Variants in RUVBL1 observed in about 807,000 individuals in gnomAD.
The protein encoded by RUVBL1 is ruvB-like 1.
A neutral mutation model predicts 52.4 loss-of-function variants in RUVBL1; 4 were observed. That is an observed-to-expected ratio of 0.08 (90% CI 0.04 to 0.17). The LOEUF (loss-of-function observed/expected upper bound fraction) is 0.17, where lower values mean the gene tolerates loss of function less well. Among genes scored for constraint, RUVBL1 ranks in the 10% least tolerant of loss-of-function variants. The pLI is 1.00. For synonymous variants in RUVBL1, 217 were observed against 214.4 expected, an observed-to-expected ratio of 1.01 and a Z score of -0.10; for missense variants, 298 against 572.8, an observed-to-expected ratio of 0.52 and a Z score of 4.90.
Position 128,081,789 on chromosome 3 carries a change from A to G in RUVBL1, c.1212-380T>C, listed in dbSNP as rs1027080650. On this transcript the variant is annotated intron_variant, in intron 10 of 10. Transcript: ENST00000322623. The surrounding 1 kb of genome is among the most constrained non-coding windows in gnomAD (Gnocchi z 4.8). The stretch of plus-strand genomic sequence containing the variant: ...AATGAAAACATAGCCAGCTGGAAGT[A>G]CATGCCCATCCAAAGGCATGAAGAC... The G allele has an allele frequency of 1.6e-5, 3 of 184,346 alleles. No homozygotes were observed. The highest frequency in any genetic ancestry group is 7.0e-5 in the African/African-American group (3 of 42,638). The allele number at this position is 184,346 out of a possible 1,614,324, so 11.4% of individuals were successfully genotyped here.
Position 128,082,673 on chromosome 3 carries a change from A to T in RUVBL1, c.1120-99T>A, listed in dbSNP as rs1942515133. 1 of 980,896 alleles carries T rather than the reference A, an allele frequency of 1.0e-6. No homozygotes were observed. Among genetic ancestry groups the T allele is most frequent in the African/African-American group, 1.6e-5 (1 of 61,088 alleles). The allele number at this position is 980,896 out of a possible 1,614,324, so 60.8% of individuals were successfully genotyped here. ...ATGTTGCTCAGATTTCTCACTGTGC[A>T]GCATAAGAGAAACTGAGACCTGGGT... On this transcript the variant is annotated intron_variant, in intron 9 of 10. Coordinates refer to ENST00000322623, the MANE Select transcript of RUVBL1 (RefSeq NM_003707.3). The surrounding 1 kb of genome is among the most constrained non-coding windows in gnomAD (Gnocchi z 4.7).
At position 128,123,750 on chromosome 3, in the gene RUVBL1, A is replaced by T. The variant is rs201967023; in HGVS notation, c.-26T>A. On this transcript the variant is annotated 5_prime_UTR_variant, in exon 1 of 11. Transcript: ENST00000322623. ...TTTGCAGACGCCGGGAGCTAAAACC[A>T]GCGTGGAAAACCAGCAGCTAGGACA... The T allele has an allele frequency of 3.2e-6, 5 of 1,585,234 alleles. No homozygotes were observed. In the East Asian group the frequency reaches 1.1e-4, roughly 36 times the overall value.
At chr3:128,089,564 C>T (rs1231995393) in intron 8 of RUVBL1, among the ~76,000 whole-genome samples, 1 of 152,156 alleles carries the variant, frequency 6.6e-6, no homozygotes, top group Non-Finnish European at 1.5e-5. Flanking sequence ...ATAAAATCTA[C>T]CTGTTTAAAT....
At chr3:128,150,769 TATTA>T (rs1280187486) in intron 1 of RUVBL1, among the ~76,000 whole-genome samples, 1 of 111,616 alleles carries the variant, frequency 9.0e-6, no homozygotes, top group Non-Finnish European at 1.6e-5. Context: ...ATATTCTATA[TATTA>T]TATATTCTAT....
intron 1 of RUVBL1, among the ~76,000 whole-genome samples, chr3:128,152,994 C>CCCCCCCG (rs1944271019): frequency 3.3e-5 from 1 of 30,016 alleles, no homozygotes; most frequent in Non-Finnish European, 5.9e-5. Context: ...GCCCACCCCG[C>CCCCCCCG]CCCCCCCGCC....
intron 1 of RUVBL1, among the ~76,000 whole-genome samples, chr3:128,152,760 A>G (rs571231604): frequency 1.3e-5 from 2 of 152,288 alleles, no homozygotes; most frequent in Non-Finnish European, 1.5e-5. Flanking sequence ...AAGATGGCAC[A>G]GTCCCAAAGA....
At chr3:128,126,482 G>T (rs529266363), upstream of RUVBL1, among the ~76,000 whole-genome samples, 2 of 151,970 alleles carry the variant, frequency 1.3e-5, no homozygotes, top group East Asian at 3.9e-4. Context: ...GGAGGTGGAG[G>T]TTGCAGTGAG....
chr3:128,141,484 T>TTTTTC lies in RUVBL1; in HGVS notation c.-40+11714_-40+11718dup, dbSNP rs112847567. On this transcript the variant is annotated intron_variant, in intron 1 of 9. Transcript: ENST00000464873. ...CCTTGGAGTATGAAGACATGGACTT[T>TTTTTC]TTTTCTTTTCTTTTCTTTTCTTTTC... 7.8e-3 allele frequency among the ~76,000 whole-genome samples: 1,172 copies of TTTTTC among 150,900 alleles called. 5 individuals are homozygous for TTTTTC. The highest frequency in any genetic ancestry group is 9.6e-3 in the South Asian group (46 of 4,772).
intron 1 of RUVBL1, among the ~76,000 whole-genome samples, chr3:128,130,628 TGTA>T (rs1943863466): frequency 1.2e-4 from 1 of 8,674 alleles, no homozygotes; most frequent in African/African-American, 3.1e-4. Context: ...TATTTATTTA[TGTA>T]TTTATTTATT....
At chr3:128,078,261 G>A (rs1175279257), downstream of RUVBL1, among the ~76,000 whole-genome samples, 1 of 152,190 alleles carries the variant, frequency 6.6e-6, no homozygotes, top group Non-Finnish European at 1.5e-5. Flanking sequence ...GTCACTCTCT[G>A]GTGTGACAGC....
At chr3:128,107,890 C>T (rs1027807924) in intron 3 of RUVBL1, among the ~76,000 whole-genome samples, 1 of 152,204 alleles carries the variant, frequency 6.6e-6, no homozygotes, top group Non-Finnish European at 1.5e-5. Flanking sequence ...CTTATATTTA[C>T]TGCTAGATGA....
At chr3:128,079,557 G>C (rs985509553), downstream of RUVBL1, among the ~76,000 whole-genome samples, 27 of 152,172 alleles carry the variant, frequency 1.8e-4, no homozygotes, top group Non-Finnish European at 8.8e-5. Context: ...TGGCTCGAGT[G>C]GGGAGGCTAA....
intron 4 of RUVBL1, among the ~76,000 whole-genome samples, chr3:128,102,581 G>A (rs868785192): frequency 6.6e-6 from 1 of 152,228 alleles, no homozygotes; most frequent in African/African-American, 2.4e-5. Context: ...GGTGAAAGAA[G>A]CCAGATACAA....
At chr3:128,109,863 TG>T (rs1943338409) in intron 3 of RUVBL1, among the ~76,000 whole-genome samples, 1 of 125,804 alleles carries the variant, frequency 7.9e-6, no homozygotes, top group African/African-American at 3.1e-5. Flanking sequence ...TTACCCAGGC[TG>T]AAGTGCAATG....
At chr3:128,117,616 G>GTTTT (rs772377287) in intron 2 of RUVBL1, among the ~76,000 whole-genome samples, 1 of 140,718 alleles carries the variant, frequency 7.1e-6, no homozygotes, top group South Asian at 2.3e-4. Context: ...CAGTTTTTTT[G>GTTTT]TTTTTTTTTT....
At position 128,148,080 on chromosome 3, in the gene RUVBL1, T is replaced by C. The variant is rs115789561; in HGVS notation, c.-40+5123A>G. ...GAGACAGAGAACATAGATAACTATCTGCCAGAGGTTAAAGGTGTAGGAGGG... is the reference window on the plus strand; with the variant it reads ...GAGACAGAGAACATAGATAACTATCCGCCAGAGGTTAAAGGTGTAGGAGGG... On this transcript the variant is annotated intron_variant, in intron 1 of 9. Coordinates refer to the RUVBL1 transcript ENST00000464873. Among the ~76,000 whole-genome samples the C allele has an allele frequency of 4.6e-3, 696 of 152,106 alleles. 4 individuals carry two copies. Among genetic ancestry groups the C allele is most frequent in the African/African-American group, 0.015 (614 of 41,504 alleles).
At chr3:128,143,173 A>ATTTTT (rs35634913) in intron 1 of RUVBL1, among the ~76,000 whole-genome samples, 1 of 133,134 alleles carries the variant, frequency 7.5e-6, no homozygotes, top group Non-Finnish European at 1.6e-5. Context: ...ACCCTTATCT[A>ATTTTT]TTTTTTTTTT....
chr3:128,124,515 C>T (rs776435582), upstream of RUVBL1, among the ~76,000 whole-genome samples: 5 of 152,186 alleles, frequency 3.3e-5, no homozygotes, highest in Non-Finnish European at 7.3e-5. Context: ...CATCACGTCC[C>T]ATGACTCCAG....
intron 4 of RUVBL1, among the ~76,000 whole-genome samples, chr3:128,103,159 A>C (rs189498352): frequency 1.3e-3 from 198 of 152,328 alleles, no homozygotes; most frequent in Non-Finnish European, 1.8e-3. Flanking sequence ...TCTCCTCTAC[A>C]TTATTTTTGT....
Sources: allele counts gnomAD v4.1 joint callset (sites outside exome capture counted in the v4.1 genomes callset), GRCh38; gene constraint gnomAD v4.1.1; non-coding constraint Gnocchi (gnomAD v3.1); transcripts MANE v1.5; gene names NCBI Gene and HGNC (gene_info 2026-07-23, HGNC 2026-07-21).